The following NOP9 variants were observed in gnomAD, a reference collection of about 807,000 sequenced individuals.
The protein encoded by NOP9 is NOP9 nucleolar protein, also known as nucleolar protein 9.
Under a neutral mutation model 63.0 loss-of-function variants are expected in NOP9, and 50 were observed. That is an observed-to-expected ratio of 0.79 (90% CI 0.63 to 1.00). The LOEUF is 1.00. NOP9 is among the 50% of genes least tolerant of loss of function. The probability of loss-of-function intolerance (pLI) is 0.00; values close to 1 mark genes in which losing one functional copy is unlikely to be tolerated. For missense variants in NOP9, 758 were observed against 803.0 expected (o/e 0.94, Z 0.68); for synonymous variants, 343 against 332.8 (o/e 1.03, Z -0.33).
chr14:24,273,791 A>G, the NOP9 span, among the ~76,000 whole-genome samples: 3 of 152,322 alleles, frequency 2.0e-5, no homozygotes, highest in African/African-American at 7.2e-5. Flanking sequence ...CCTGGCTACA[A>G]ATCCTAGCTT....
chr14:24,274,682 C>G, the NOP9 span, among the ~76,000 whole-genome samples: 1 of 150,760 alleles, frequency 6.6e-6, no homozygotes, highest in Non-Finnish European at 1.5e-5. Flanking sequence ...GGTGTCTGCT[C>G]ACTGCCAGCT....
the NOP9 span, chr14:24,292,298 C>T: frequency 6.2e-7 from 1 of 1,614,110 alleles, no homozygotes; most frequent in South Asian, 1.1e-5. Context: ...GGCGCCGCAG[C>T]TCGTGGGCAC....
chr14:24,305,450 G>T lies in NOP9; in HGVS notation c.*355G>T. 1.4e-6 allele frequency: 1 copy of T among 709,296 alleles called. No individual in the cohort carries two copies. The highest frequency in any genetic ancestry group is 2.2e-6 in the Non-Finnish European group (1 of 445,852). 43.9% of individuals were successfully genotyped at this position (709,296 alleles called of 1,614,324 possible). On this transcript the variant is annotated 3_prime_UTR_variant, in exon 10 of 10. Coordinates refer to ENST00000267425, the MANE Select transcript of NOP9 (RefSeq NM_174913.3). Reference sequence around the variant, plus strand: ...GGAAAGAACAGCATTCTTCAGGTAAGGGTATAGACTTGGGATGTGAGGCGT... The same window carrying T: ...GGAAAGAACAGCATTCTTCAGGTAATGGTATAGACTTGGGATGTGAGGCGT...
chr14:24,300,350 G>A, intron 1 of NOP9, 58 bp from the exon 2 acceptor site: 3 of 1,568,874 alleles, frequency 1.9e-6, no homozygotes, highest in African/African-American at 1.3e-5. Flanking sequence ...TTAAGCGAGG[G>A]TACATAACTG....
the NOP9 span, among the ~76,000 whole-genome samples, chr14:24,279,047 G>A: frequency 6.6e-6 from 1 of 152,206 alleles, no homozygotes; most frequent in African/African-American, 2.4e-5. Context: ...GATCCTTTAT[G>A]AGGAAGGACT....
rs201037901 is a variant in NOP9 at position 24,303,184 on chromosome 14, C to T, written c.1254C>T (p.Tyr418=). The T allele has an allele frequency of 3.7e-6, 6 of 1,614,078 alleles. No individual in the cohort carries two copies. In the East Asian group the frequency reaches 8.9e-5, roughly 24 times the overall value. ...LVGACRRVGA[Y]QAKVLQLLLE... is the part of the protein sequence containing the mutation. ...GGGCCTGTCGCAGAGTTGGGGCCTA[C>T]CAAGCCAAGGTCCTACAGCTCTTGT... The change falls in exon 6 of 10, where the codon TAC becomes TAT. Residue 418 remains tyrosine (Y), a synonymous_variant. Transcript: ENST00000267425.
Position 24,306,917 on chromosome 14 carries a change from C to T in NOP9, c.*1822C>T. The T allele has an allele frequency of 3.5e-6, 1 of 284,880 alleles. No homozygotes were observed. The highest frequency in any genetic ancestry group is 4.7e-5 in the Admixed American group (1 of 21,504). 17.6% of individuals were successfully genotyped at this position (284,880 alleles called of 1,614,324 possible). On this transcript the variant is annotated 3_prime_UTR_variant, in exon 10 of 10. Coordinates refer to ENST00000267425, the MANE Select transcript of NOP9 (RefSeq NM_174913.3). ...TAATAGTGTTTAACCTTTTTGAGTC[C>T]TTACTCTGTGCCAGGTATGAGGACT...
rs891773009 is a variant in NOP9 at position 24,299,894 on chromosome 14, A to C, written c.-61A>C. 1.3e-6 allele frequency: 2 copies of C among 1,495,632 alleles called. No individual in the cohort carries two copies. The highest frequency in any genetic ancestry group is 4.6e-5 in the East Asian group (2 of 43,374). The allele number at this position is 1,495,632 out of a possible 1,614,324, so 92.6% of individuals were successfully genotyped here. On this transcript the variant is annotated 5_prime_UTR_variant, in exon 1 of 10. Coordinates refer to ENST00000267425, the MANE Select transcript of NOP9 (RefSeq NM_174913.3). Reference sequence around the variant, plus strand: ...GTCTGGATAAGGCGCACGCTTGGCGACGTCGAAGGTCCGTCCGCAGTTAAG... The same window carrying C: ...GTCTGGATAAGGCGCACGCTTGGCGCCGTCGAAGGTCCGTCCGCAGTTAAG...
the NOP9 span, chr14:24,291,138 C>T: frequency 6.2e-7 from 1 of 1,614,136 alleles, no homozygotes; most frequent in African/African-American, 1.3e-5. Flanking sequence ...AGGGTCCTCA[C>T]CGTCCACATC....
rs142496946 is a variant in NOP9, at chr14:24,307,794, G to A, written c.*2699G>A. ...TGCCTATATCCCCTAAAGGTGGAGG[G>A]TAGAGCGGAGGGTTAGCAGTCACCT... On this transcript the variant is annotated 3_prime_UTR_variant, in exon 10 of 10. Transcript: ENST00000267425. 2 of 1,584,848 alleles carry A rather than the reference G, an allele frequency of 1.3e-6. No homozygotes were observed. The highest frequency in any genetic ancestry group is 1.8e-5 in the Admixed American group (1 of 55,578).
At chr14:24,289,896 A>G in the NOP9 span, among the ~76,000 whole-genome samples, 60,844 of 152,206 alleles carry the variant, frequency 0.4, 13,307 homozygotes, top group Middle Eastern at 0.58. Flanking sequence ...GACTTCTGCC[A>G]ATCTTGTGGG....
chr14:24,298,708 C>T, upstream of NOP9: 1 of 424,728 alleles, frequency 2.4e-6, no homozygotes, highest in Non-Finnish European at 4.3e-6. Context: ...TCCGGAGTAG[C>T]TGCTGGGACT....
chr14:24,278,568 C>T, the NOP9 span, among the ~76,000 whole-genome samples: 2 of 152,136 alleles, frequency 1.3e-5, no homozygotes, highest in Non-Finnish European at 1.5e-5. Context: ...TGAATAGGGA[C>T]AGAATTACAC....
chr14:24,296,661 A>C, upstream of NOP9: 1 of 1,613,570 alleles, frequency 6.2e-7, no homozygotes, highest in Non-Finnish European at 8.5e-7. Flanking sequence ...TGGAAGGGAC[A>C]ATGAGTGGGG....
the NOP9 span, chr14:24,292,385 C>T: frequency 2.5e-6 from 4 of 1,605,876 alleles, no homozygotes; most frequent in South Asian, 3.3e-5. Context: ...ACTTTCCTGC[C>T]CTGCCCTCTC....
chr14:24,280,166 G>T, the NOP9 span, among the ~76,000 whole-genome samples: 1 of 152,224 alleles, frequency 6.6e-6, no homozygotes, highest in Non-Finnish European at 1.5e-5. Context: ...ATACAGGCTA[G>T]CCCTGGGCTG....
At chr14:24,299,799 G>A (rs1274120376), upstream of NOP9, 18 of 990,946 alleles carry the variant, frequency 1.8e-5, no homozygotes, top group Admixed American at 9.2e-5. Context: ...CACCCACCCC[G>A]CCCGGCTGGG....
rs889659485 is a variant in NOP9, at chr14:24,306,109, C to G, written c.*1014C>G. 6.2e-7 allele frequency: 1 copy of G among 1,613,966 alleles called. No individual in the cohort carries two copies. Among genetic ancestry groups the G allele is most frequent in the Admixed American group, 1.7e-5 (1 of 60,014 alleles). On this transcript the variant is annotated 3_prime_UTR_variant, in exon 10 of 10. Coordinates refer to ENST00000267425, the MANE Select transcript of NOP9 (RefSeq NM_174913.3). ...GTCCTTGCTGTGCTTGGGCCTCTCC[C>G]GTCCCAGGCCATATGACAGCACTCC... is the stretch of plus-strand genomic sequence containing the variant.
the NOP9 span, among the ~76,000 whole-genome samples, chr14:24,275,246 T>A: frequency 1.3e-5 from 2 of 152,164 alleles, no homozygotes; most frequent in African/African-American, 4.8e-5. Flanking sequence ...AGAAGAGATT[T>A]TTACTGCCCT....
Sources: gnomAD v4.1 joint callset for allele counts (sites outside exome capture counted in the v4.1 genomes callset) on GRCh38, gnomAD v4.1.1 for gene constraint, MANE v1.5 for transcripts, NCBI Gene and HGNC (gene_info 2026-07-23, HGNC 2026-07-21) for gene names.